Variants in JCAD observed in about 807,000 individuals in gnomAD.
JCAD encodes the protein junctional cadherin 5 associated, also known as junctional cadherin 5-associated protein.
JCAD carries 40 observed loss-of-function variants against 98.0 expected under a neutral mutation model. That is an observed-to-expected ratio of 0.41 (90% CI 0.32 to 0.53). JCAD has a LOEUF of 0.53. JCAD is among the 20% of genes least tolerant of loss of function. The pLI, the probability that JCAD is intolerant of heterozygous loss-of-function variation, is 0.31. For synonymous variants in JCAD, 691 were observed against 682.3 expected (o/e 1.01, Z -0.20); for missense variants, 1,705 against 1,738.1 (o/e 0.98, Z 0.34).
intron 1 of JCAD, among the ~76,000 whole-genome samples, chr10:30,103,093 C>T (rs150825021): frequency 6.6e-6 from 1 of 152,298 alleles, no homozygotes; most frequent in Non-Finnish European, 1.5e-5. Flanking sequence ...TTTCTCTTAG[C>T]ATAACATCCT....
At chr10:30,023,473 G>A (rs1836710743) in intron 3 of JCAD, among the ~76,000 whole-genome samples, 1 of 152,182 alleles carries the variant, frequency 6.6e-6, no homozygotes, top group Non-Finnish European at 1.5e-5. Flanking sequence ...AAGACTAGGT[G>A]TGTAGTAGAT....
chr10:30,115,339 A>G (rs1838773651), intron 1 of JCAD: 2 of 152,208 alleles, frequency 1.3e-5, no homozygotes, highest in Admixed American at 1.3e-4. Flanking sequence ...TTTCAACAAA[A>G]CAATGGAAAA....
rs1445134952 is a variant in JCAD, at chr10:30,038,671, G to A, written c.282-8805C>T. Among the ~76,000 whole-genome samples the A allele has an allele frequency of 4.2e-5, 5 of 120,478 alleles. No individual in the cohort carries two copies. In the East Asian group the frequency reaches 1.2e-3, roughly 28 times the overall value. The allele number at this position is 120,478 out of a possible 152,430, so 79.0% of individuals were successfully genotyped here. A position where few individuals can be genotyped will look rare whatever the true frequency, so the allele number is the denominator to read the frequency against. ...ACTGCACTCGCCTGGGTGACAGAGA[G>A]AGACCCTGTCTCAAAATAAAAAAAA... On this transcript the variant is annotated intron_variant, in intron 2 of 3. Transcript: ENST00000375377.
At chr10:30,082,687 A>G (rs1253265096) in intron 1 of JCAD, among the ~76,000 whole-genome samples, 1 of 151,970 alleles carries the variant, frequency 6.6e-6, no homozygotes, top group Non-Finnish European at 1.5e-5. Context: ...CCCCATCTGT[A>G]CTAAAAACAC....
In JCAD at chr10:30,028,176, C is replaced by T; in HGVS notation, c.1972G>A (p.Asp658Asn). The part of the protein sequence containing the change: ...QKQDLGEPEE[D>N]RQTNDLSFIH... ...AAACTGAGGTCATTTGTTTGTCTGT[C>T]TTCTTCTGGTTCCCCTAGATCTTGT... Residue 658 changes from aspartate (D) to asparagine (N), a missense_variant, in exon 3 of 4, where the codon GAC becomes AAC. Around this residue, in one of 3 missense-constraint regions of JCAD, gnomAD observed 1,278 missense variants for 1,243.1 expected, o/e 1.03. Coordinates refer to ENST00000375377, the MANE Select transcript of JCAD (RefSeq NM_020848.4). 6.2e-7 allele frequency: 1 copy of T among 1,614,186 alleles called. No homozygotes were observed. Among genetic ancestry groups the T allele is most frequent in the South Asian group, 1.1e-5 (1 of 91,082 alleles).
intron 3 of JCAD, among the ~76,000 whole-genome samples, chr10:30,021,517 C>G (rs1191679908): frequency 6.6e-6 from 1 of 152,064 alleles, no homozygotes; most frequent in African/African-American, 2.4e-5. Flanking sequence ...GTTCTAGTAG[C>G]TATGTTGAAA....
Position 30,029,765 on chromosome 10 carries a change from G to A in JCAD, c.383C>T (p.Pro128Leu), listed in dbSNP as rs775340725. 2.1e-5 allele frequency: 34 copies of A among 1,614,054 alleles called. No individual in the cohort carries two copies. The highest frequency in any genetic ancestry group is 3.3e-5 in the South Asian group (3 of 91,094). The change falls in exon 3 of 4, where the codon CCG becomes CTG. Residue 128 changes from proline to leucine, a missense_variant. By Grantham distance (98) the Pro-to-Leu change is moderately conservative. This residue lies in a region of JCAD where 275 missense variants were observed against 346.9 expected (regional missense o/e 0.79). Coordinates refer to ENST00000375377, the MANE Select transcript of JCAD (RefSeq NM_020848.4). The stretch of plus-strand genomic sequence containing the variant: ...GGCCTCCAGGTTTTCGTGCTCCCTC[G>A]GCTTCTGGCTCCTGGCTTCTTGCCG... ...RGRQEARSQK[P>L]REHENLEARG...
At chr10:30,030,868 A>G (rs775228440) in intron 2 of JCAD, among the ~76,000 whole-genome samples, 2 of 151,428 alleles carry the variant, frequency 1.3e-5, no homozygotes, top group African/African-American at 4.9e-5. Context: ...TCCTAGACAC[A>G]TTACATTACA....
At chr10:30,092,066 T>C (rs967812561) in intron 1 of JCAD, among the ~76,000 whole-genome samples, 1 of 17,268 alleles carries the variant, frequency 5.8e-5, no homozygotes, top group East Asian at 2.3e-3. Context: ...AAAAAAAAAA[T>C]ATATATATAT....
At chr10:30,060,149 C>A (rs1837673025), upstream of JCAD, among the ~76,000 whole-genome samples, 1 of 152,012 alleles carries the variant, frequency 6.6e-6, no homozygotes, top group Admixed American at 6.6e-5. Context: ...ACCCACATAA[C>A]ACATCGATAT....
At chr10:30,105,469 A>G (rs190258549) in intron 1 of JCAD, among the ~76,000 whole-genome samples, 1 of 151,012 alleles carries the variant, frequency 6.6e-6, no homozygotes, top group Non-Finnish European at 1.5e-5. Context: ...GATTACAGAC[A>G]CGTGCCACCA....
intron 2 of JCAD, among the ~76,000 whole-genome samples, chr10:30,032,728 G>T (rs534268814): frequency 6.6e-6 from 1 of 152,312 alleles, no homozygotes; most frequent in Non-Finnish European, 1.5e-5. Context: ...TGTGTGTGAG[G>T]ATGTGAATTT....
rs1165019793 is a variant in JCAD at position 30,044,195 on chromosome 10, A to G, written c.281+3337T>C. 3.3e-5 allele frequency among the ~76,000 whole-genome samples: 5 copies of G among 152,192 alleles called. No homozygotes were observed. The East Asian group carries it at 7.7e-4, about 23-fold the overall frequency. ...ACTGTGAACTGATAAATTTCCATTC[A>G]TCATAAATTACCCAGCCTGTTACAG... On this transcript the variant is annotated intron_variant, in intron 2 of 3. Coordinates refer to ENST00000375377, the MANE Select transcript of JCAD (RefSeq NM_020848.4).
In JCAD at chr10:30,055,138, C is replaced by T. The variant is rs112444323; in HGVS notation, c.-60+4344G>A. ...ACCTGTTTTCAGGAAGCCAAAATCA[C>T]ATGTGCTGCTGAAGAAATCTAATAC... On this transcript the variant is annotated intron_variant, in intron 1 of 3. Transcript: ENST00000375377. 9.2e-3 allele frequency among the ~76,000 whole-genome samples: 1,405 copies of T among 152,326 alleles called. 11 individuals are homozygous for T. The highest frequency in any genetic ancestry group is 0.014 in the Non-Finnish European group (968 of 68,020).
intron 1 of JCAD, 78 bp from the exon 2 acceptor site, chr10:30,047,949 C>A: frequency 1.2e-6 from 1 of 803,754 alleles, no homozygotes. Flanking sequence ...CCCGTGGTCC[C>A]CCCACCAAAC....
At position 30,018,402 on chromosome 10, in the gene JCAD, G is replaced by C. The variant is rs149762522; in HGVS notation, c.4046-485C>G. ...GAAGGCGTGAGGATCCTCAAATCCT[G>C]ACTGCTTGGCTGGCAGAGAGAGGCT... On this transcript the variant is annotated intron_variant, in intron 3 of 3. Coordinates refer to ENST00000375377, the MANE Select transcript of JCAD (RefSeq NM_020848.4). 5.2e-3 allele frequency among the ~76,000 whole-genome samples: 793 copies of C among 151,202 alleles called. 6 individuals are homozygous for C. Among genetic ancestry groups the C allele is most frequent in the African/African-American group, 0.018 (754 of 41,088 alleles).
At chr10:30,061,593 A>T (rs12253722), upstream of JCAD, among the ~76,000 whole-genome samples, 4,862 of 151,912 alleles carry the variant, frequency 0.032, 252 homozygotes, top group African/African-American at 0.11. Context: ...TACCATTAAC[A>T]CTTGTACAGC....
In JCAD at chr10:30,059,139, C is replaced by T. The variant is rs1837648169; in HGVS notation, c.-60+343G>A. On this transcript the variant is annotated intron_variant, in intron 1 of 3. Transcript: ENST00000375377. This position sits in a 1 kb window ranked among gnomAD's most constrained non-coding sequence, Gnocchi z 5.0. Reference sequence around the variant, plus strand: ...ACCCCGGCCCCCCAGGCCCTCCGCGCGCCGAGGGGCGACGCGAGCGCTAAC... The same window carrying T: ...ACCCCGGCCCCCCAGGCCCTCCGCGTGCCGAGGGGCGACGCGAGCGCTAAC... 6.6e-6 allele frequency among the ~76,000 whole-genome samples: 1 copy of T among 151,790 alleles called. No homozygotes were observed. The highest frequency in any genetic ancestry group is 1.5e-5 in the Non-Finnish European group (1 of 67,878).
chr10:30,055,774 T>C (rs1394673177), intron 1 of JCAD, among the ~76,000 whole-genome samples: 1 of 152,222 alleles, frequency 6.6e-6, no homozygotes, highest in African/African-American at 2.4e-5. Context: ...AAAAGGACCT[T>C]GGAACATTAA....
Sources: allele counts gnomAD v4.1 joint callset (sites outside exome capture counted in the v4.1 genomes callset), GRCh38; gene constraint gnomAD v4.1.1; regional missense constraint gnomAD v4.1.1; non-coding constraint Gnocchi (gnomAD v3.1); transcripts MANE v1.5; gene names NCBI Gene and HGNC (gene_info 2026-07-23, HGNC 2026-07-21).